MARS1: variants seen among roughly 807,000 people sequenced by gnomAD.
MARS1 encodes methionine--tRNA ligase, cytoplasmic.
MARS1 carries 80 observed loss-of-function variants against 119.5 expected under a neutral mutation model. The observed-to-expected ratio is 0.67, with a 90% CI of 0.56 to 0.81. MARS1 has a LOEUF of 0.81. Among genes scored for constraint, MARS1 ranks in the 30% least tolerant of loss-of-function variants. The pLI is 0.00. For synonymous variants in MARS1, 418 were observed against 433.4 expected, an observed-to-expected ratio of 0.96 and a Z score of 0.44; for missense variants, 945 against 1,116.5, an observed-to-expected ratio of 0.85 and a Z score of 2.19.
At chr12:57,488,960 C>A in intron 1 of MARS1, 59 bp from the exon 2 acceptor site, 2 of 1,315,802 alleles carry the variant, frequency 1.5e-6, no homozygotes, top group Non-Finnish European at 2.2e-6. Flanking sequence ...CCTAAGTTGA[C>A]AAAGTATTTC....
chr12:57,496,253 T>C (rs1292779517), intron 7 of MARS1, among the ~76,000 whole-genome samples: 1 of 151,066 alleles, frequency 6.6e-6, no homozygotes, highest in African/African-American at 2.4e-5. Context: ...AACCTCTGCC[T>C]CCTGGGTTCA....
intron 10 of MARS1, among the ~76,000 whole-genome samples, chr12:57,503,582 G>T (rs1280103641): frequency 1.3e-5 from 2 of 148,858 alleles, no homozygotes; most frequent in Non-Finnish European, 3.0e-5. Flanking sequence ...AGTCTGCTCT[G>T]TCAGCAGCCT....
intron 4 of MARS1, 135 bp downstream of exon 4, chr12:57,489,693 C>A: frequency 1.5e-6 from 2 of 1,307,032 alleles, no homozygotes; most frequent in South Asian, 1.4e-5. Flanking sequence ...CTTAATCTCT[C>A]TAATCCTCAA....
At chr12:57,493,300 A>T (rs1338039721) in intron 7 of MARS1, among the ~76,000 whole-genome samples, 11 of 109,780 alleles carry the variant, frequency 1.0e-4, no homozygotes, top group Non-Finnish European at 1.7e-4. Context: ...GAGTATATAT[A>T]TATAATATAT....
intron 18 of MARS1, 122 bp downstream of exon 18, chr12:57,515,458 A>T (rs1277480364): frequency 2.1e-6 from 2 of 940,162 alleles, no homozygotes; most frequent in East Asian, 2.6e-5. Flanking sequence ...TAAGTTTCTG[A>T]TATAAAGTCC....
intron 10 of MARS1, among the ~76,000 whole-genome samples, chr12:57,501,911 C>A (rs1876935147): frequency 6.6e-6 from 1 of 151,712 alleles, no homozygotes; most frequent in African/African-American, 2.4e-5. Context: ...AGAAGAATTT[C>A]TTGAACCTGG....
At chr12:57,493,735 A>ATT (rs1876319196) in intron 7 of MARS1, among the ~76,000 whole-genome samples, 4 of 5,874 alleles carry the variant, frequency 6.8e-4, no homozygotes, top group Non-Finnish European at 9.9e-4. Flanking sequence ...TATATTATAT[A>ATT]ATATATATTA....
At chr12:57,488,873 C>G (rs574919907) in intron 1 of MARS1, 146 bp from the exon 2 acceptor site, 5 of 773,126 alleles carry the variant, frequency 6.5e-6, no homozygotes, top group Non-Finnish European at 6.3e-6. Flanking sequence ...CACCCCCTTT[C>G]AGTGGTCCTA....
chr12:57,514,157 C>CT lies in MARS1; in HGVS notation c.1968-546dup, dbSNP rs568624285. Among the ~76,000 whole-genome samples, 979 of 131,196 alleles carry CT rather than the reference C, an allele frequency of 7.5e-3. 16 individuals carry two copies. The highest frequency in any genetic ancestry group is 0.018 in the African/African-American group (653 of 35,750). The allele number at this position is 131,196 out of a possible 152,430, so 86.1% of individuals were successfully genotyped here. Reference sequence around the variant, plus strand: ...TCAGCTTGGTCATTTTGAGTAATGACTTTTTTTTTTTTTTTTTGAGATGGA... The same window carrying CT: ...TCAGCTTGGTCATTTTGAGTAATGACTTTTTTTTTTTTTTTTTTGAGATGGA... On this transcript the variant is annotated intron_variant, in intron 15 of 20. Transcript: ENST00000262027.
In MARS1 at chr12:57,507,308, C is replaced by T. The variant is rs1267461395; in HGVS notation, c.1368+3009C>T. ...CTCAATCTTTTCCCCACCTTTCCCC[C>T]CTTTCTATTCCACAAAACCGCCATT... is the stretch of plus-strand genomic sequence containing the variant. On this transcript the variant is annotated intron_variant, in intron 11 of 20. Coordinates refer to ENST00000262027, the MANE Select transcript of MARS1 (RefSeq NM_004990.4). Among the ~76,000 whole-genome samples the T allele has an allele frequency of 4.0e-4, 59 of 148,866 alleles. 1 individual carries two copies. The highest frequency in any genetic ancestry group is 1.3e-3 in the African/African-American group (54 of 40,592).
At position 57,512,960 on chromosome 12, in the gene MARS1, A is replaced by T; in HGVS notation, c.1963A>T (p.Asn655Tyr). The T allele has an allele frequency of 6.2e-7, 1 of 1,614,110 alleles. No individual in the cohort carries two copies. Among genetic ancestry groups the T allele is most frequent in the South Asian group, 1.1e-5 (1 of 91,082 alleles). ...GCTTAACAACCTGGGCAACTTCATC[A>T]ACAGGTAGGACTTGGTAAGGGGTCA... ...ELLNNLGNFI[N>Y]RAGMFVSKFF... The change falls in exon 15 of 21, where the codon AAC (asparagine) becomes TAC (tyrosine). Residue 655 changes from asparagine to tyrosine, a missense_variant. Transcript: ENST00000262027.
chr12:57,496,918 T>G (rs112327724), intron 7 of MARS1, among the ~76,000 whole-genome samples: 191 of 152,304 alleles, frequency 1.3e-3, no homozygotes, highest in African/African-American at 4.3e-3. Flanking sequence ...GTGCTTGCCT[T>G]CCTTTGATCT....
intron 7 of MARS1, among the ~76,000 whole-genome samples, chr12:57,493,350 T>C (rs1291448466): frequency 6.5e-5 from 5 of 76,410 alleles, no homozygotes; most frequent in South Asian, 6.4e-4. Flanking sequence ...TTATATAATA[T>C]ATATTATATG....
intron 10 of MARS1, among the ~76,000 whole-genome samples, chr12:57,502,556 A>C (rs772258963): frequency 4.0e-5 from 6 of 151,868 alleles, no homozygotes; most frequent in African/African-American, 1.5e-4. Context: ...AAATACAAAA[A>C]TTAGCTGAGT....
rs1250759889 is a variant in MARS1 at position 57,507,101 on chromosome 12, G to T, written c.1368+2802G>T. 3.3e-5 allele frequency among the ~76,000 whole-genome samples: 5 copies of T among 151,166 alleles called. No homozygotes were observed. The East Asian group carries it at 9.7e-4, about 29-fold the overall frequency. On this transcript the variant is annotated intron_variant, in intron 11 of 20. Transcript: ENST00000262027. ...GCATCTGTTTAACAAAGCACATCTT[G>T]CACCGCCCTTAATCCATTTAACCCT... is the stretch of plus-strand genomic sequence containing the variant.
intron 11 of MARS1, among the ~76,000 whole-genome samples, chr12:57,510,605 A>T (rs1877462798): frequency 7.1e-6 from 1 of 140,574 alleles, no homozygotes; most frequent in African/African-American, 2.6e-5. Context: ...ACCCTACCTT[A>T]AAAAAAAAAA....
chr12:57,501,858 G>A (rs1028061554), intron 10 of MARS1, among the ~76,000 whole-genome samples: 15 of 151,972 alleles, frequency 9.9e-5, no homozygotes, highest in African/African-American at 3.6e-4. Context: ...TCCAGGCCGT[G>A]GTGGCGCACA....
intron 15 of MARS1, among the ~76,000 whole-genome samples, chr12:57,514,059 C>CAA (rs1194856541): frequency 8.8e-5 from 5 of 56,866 alleles, no homozygotes; most frequent in East Asian, 9.5e-4. Context: ...TGAGAATCCT[C>CAA]AAAAAAAAAA....
chr12:57,498,288 T>A lies in MARS1; in HGVS notation c.887+15T>A. 1.1e-5 allele frequency: 17 copies of A among 1,609,720 alleles called. No individual in the cohort carries two copies. The highest frequency in any genetic ancestry group is 1.4e-5 in the Non-Finnish European group (16 of 1,176,044). ...GTCTTTGCCAGGTGGAGCCAGCTGCTCGGGGAGAGACCTCCTAAGGGAAGG... is the reference window on the plus strand; with the variant it reads ...GTCTTTGCCAGGTGGAGCCAGCTGCACGGGGAGAGACCTCCTAAGGGAAGG... On this transcript the variant is annotated intron_variant, in intron 8 of 20. Transcript: ENST00000262027.
Sources: allele counts gnomAD v4.1 joint callset (sites outside exome capture counted in the v4.1 genomes callset), GRCh38; gene constraint gnomAD v4.1.1; transcripts MANE v1.5; gene names NCBI Gene and HGNC (gene_info 2026-07-23, HGNC 2026-07-21).